ARIH1: variants seen among roughly 807,000 people sequenced by gnomAD.
The protein encoded by ARIH1 is ariadne RBR E3 ubiquitin protein ligase 1.
A neutral mutation model predicts 85.0 loss-of-function variants in ARIH1; 8 were observed. The observed-to-expected ratio is 0.09, with a 90% confidence interval of 0.06 to 0.17. The LOEUF is 0.17. Among genes scored for constraint, ARIH1 ranks in the 10% least tolerant of loss-of-function variants. The pLI is 1.00. For missense variants in ARIH1, 311 were observed against 718.1 expected (o/e 0.43, Z 6.48); for synonymous variants, 238 against 253.6 (o/e 0.94, Z 0.59).
At chr15:72,495,855 CTA>C in intron 1 of ARIH1, among the ~76,000 whole-genome samples, 1 of 152,018 alleles carries the variant, frequency 6.6e-6, no homozygotes, top group East Asian at 1.9e-4. Flanking sequence ...TGAGGTGTAA[CTA>C]TATATGCTAT....
chr15:72,555,959 C>A, intron 5 of ARIH1, 52 bp downstream of exon 5: 2 of 1,506,222 alleles, frequency 1.3e-6, no homozygotes, highest in South Asian at 1.2e-5. Flanking sequence ...TTGGTTAAAC[C>A]AAATTAATTT....
intron 2 of ARIH1, among the ~76,000 whole-genome samples, chr15:72,542,674 G>C (rs12148733): frequency 6.6e-6 from 1 of 151,970 alleles, no homozygotes; most frequent in Non-Finnish European, 1.5e-5. Context: ...ATCTGGACTA[G>C]GGTGTTACTT....
intron 11 of ARIH1, among the ~76,000 whole-genome samples, chr15:72,579,059 C>G (rs1470053854): frequency 6.6e-6 from 1 of 152,166 alleles, no homozygotes; most frequent in African/African-American, 2.4e-5. Flanking sequence ...GCTAGGATTA[C>G]AGGCATGAGC....
chr15:72,532,165 A>ATT (rs34515098), intron 2 of ARIH1, among the ~76,000 whole-genome samples: 11 of 144,598 alleles, frequency 7.6e-5, no homozygotes, highest in African/African-American at 1.3e-4. Flanking sequence ...AAGCCGTAAG[A>ATT]TTTTTTTTTT....
chr15:72,497,527 T>C (rs748450884), intron 1 of ARIH1, among the ~76,000 whole-genome samples: 1 of 152,104 alleles, frequency 6.6e-6, no homozygotes, highest in Non-Finnish European at 1.5e-5. Context: ...ACATCAGTTA[T>C]AGGCAAGTTT....
chr15:72,532,567 TATC>T (rs1210219030), intron 2 of ARIH1, among the ~76,000 whole-genome samples: 1 of 152,206 alleles, frequency 6.6e-6, no homozygotes, highest in Non-Finnish European at 1.5e-5. Flanking sequence ...TTCATAAAGA[TATC>T]ATAACCTTTA....
At chr15:72,509,168 T>G (rs2063939559) in intron 1 of ARIH1, among the ~76,000 whole-genome samples, 1 of 151,898 alleles carries the variant, frequency 6.6e-6, no homozygotes, top group Non-Finnish European at 1.5e-5. Context: ...TGTTTATATT[T>G]TTAGTAGAGA....
At chr15:72,484,424 CT>C (rs1348609180) in intron 1 of ARIH1, among the ~76,000 whole-genome samples, 1 of 151,532 alleles carries the variant, frequency 6.6e-6, no homozygotes, top group Non-Finnish European at 1.5e-5. Flanking sequence ...CCCTTCTCAC[CT>C]TTTTCCCCCG....
At chr15:72,579,461 T>C (rs2064286831) in intron 11 of ARIH1, among the ~76,000 whole-genome samples, 1 of 152,240 alleles carries the variant, frequency 6.6e-6, no homozygotes, top group South Asian at 2.1e-4. Flanking sequence ...ACTGTAGTTT[T>C]CTACTTAAAA....
rs558713335 is a variant in ARIH1 at position 72,555,478 on chromosome 15, T to A, written c.681+115T>A. On this transcript the variant is annotated intron_variant, in intron 4 of 13. Transcript: ENST00000379887. ...AGCTTTATGTGTCATGATTCTAGAT[T>A]CAAACAACTAAAGATAATAGGCTTT... is the stretch of plus-strand genomic sequence containing the variant. 2.1e-4 allele frequency: 150 copies of A among 727,072 alleles called. 1 individual carries two copies. The highest frequency in any genetic ancestry group is 2.9e-4 in the Non-Finnish European group (129 of 439,622). 45.0% of individuals were successfully genotyped at this position (727,072 alleles called of 1,614,324 possible).
chr15:72,580,468 TGTG>T, intron 11 of ARIH1: 1 of 432,478 alleles, frequency 2.3e-6, no homozygotes, highest in South Asian at 3.2e-5. Flanking sequence ...TGCTGGATTC[TGTG>T]GTGGTTTTGT....
At chr15:72,515,868 TG>T (rs2140409766) in intron 1 of ARIH1, among the ~76,000 whole-genome samples, 1 of 152,284 alleles carries the variant, frequency 6.6e-6, no homozygotes, top group South Asian at 2.1e-4. Context: ...TAATCATCAG[TG>T]ATTTCACCTA....
At chr15:72,581,544 T>C (rs2064295162) in intron 12 of ARIH1, 1 of 157,784 alleles carries the variant, frequency 6.3e-6, no homozygotes, top group African/African-American at 2.4e-5. Flanking sequence ...AGTAAAGATG[T>C]TCATTTAAAA....
Position 72,474,541 on chromosome 15 carries a change from T to A in ARIH1, c.-99T>A. ...TCGCGGGGCCGGAGCCAGGCCTGCG[T>A]CCGGACATCAGCCGGAGCCGGAGCG... On this transcript the variant is annotated 5_prime_UTR_variant, in exon 1 of 14. Coordinates refer to ENST00000379887, the MANE Select transcript of ARIH1 (RefSeq NM_005744.5). 1 of 1,399,520 alleles carries A rather than the reference T, an allele frequency of 7.1e-7. No individual in the cohort carries two copies. Among genetic ancestry groups the A allele is most frequent in the Non-Finnish European group, 9.3e-7 (1 of 1,069,522 alleles). 86.7% of individuals were successfully genotyped at this position (1,399,520 alleles called of 1,614,324 possible).
At chr15:72,476,466 G>C (rs895102017) in intron 1 of ARIH1, among the ~76,000 whole-genome samples, 8 of 152,196 alleles carry the variant, frequency 5.3e-5, no homozygotes, top group Non-Finnish European at 1.0e-4. Context: ...CCGGGTTCAT[G>C]CAATTCTCCT....
At chr15:72,533,697 A>G (rs1320721523) in intron 2 of ARIH1, among the ~76,000 whole-genome samples, 1 of 152,168 alleles carries the variant, frequency 6.6e-6, no homozygotes, top group Non-Finnish European at 1.5e-5. Context: ...GCTTGAGGCC[A>G]GGAGTTACAG....
At chr15:72,530,047 A>T (rs1008855827) in intron 2 of ARIH1, among the ~76,000 whole-genome samples, 3 of 152,208 alleles carry the variant, frequency 2.0e-5, no homozygotes, top group African/African-American at 7.2e-5. Context: ...GTCCTGACTT[A>T]CAATAGTGAC....
chr15:72,509,496 C>T (rs1415593909), intron 1 of ARIH1, among the ~76,000 whole-genome samples: 1 of 152,098 alleles, frequency 6.6e-6, no homozygotes, highest in Non-Finnish European at 1.5e-5. Flanking sequence ...CCTCAAATTT[C>T]TTTCTACCCC....
At chr15:72,529,064 G>T (rs2064043547) in intron 2 of ARIH1, among the ~76,000 whole-genome samples, 1 of 152,106 alleles carries the variant, frequency 6.6e-6, no homozygotes, top group African/African-American at 2.4e-5. Flanking sequence ...GCCGCGTGTG[G>T]TGATGGGCTC....
Sources: gnomAD v4.1 joint callset for allele counts (sites outside exome capture counted in the v4.1 genomes callset) on GRCh38, gnomAD v4.1.1 for gene constraint, MANE v1.5 for transcripts, NCBI Gene and HGNC (gene_info 2026-07-23, HGNC 2026-07-21) for gene names.